The following MRE11 variants were observed in gnomAD, a reference collection of about 807,000 sequenced individuals.
The protein encoded by MRE11 is MRE11 double strand break repair nuclease.
In MRE11, 62 loss-of-function variants were observed where a neutral mutation model predicts 91.7. That is an observed-to-expected ratio of 0.68 (90% CI 0.55 to 0.84). The LOEUF (loss-of-function observed/expected upper bound fraction) is 0.84, where lower values mean the gene tolerates loss of function less well. MRE11 is among the 40% of genes least tolerant of loss of function. The pLI is 0.00. For missense variants in MRE11, 796 were observed against 852.9 expected (o/e 0.93, Z 0.83); for synonymous variants, 273 against 271.4 (o/e 1.01, Z -0.06).
chr11:94,420,447 G>GAAGT (rs1395231078), intron 19 of MRE11, among the ~76,000 whole-genome samples: 1 of 152,082 alleles, frequency 6.6e-6, no homozygotes, highest in Non-Finnish European at 1.5e-5. Flanking sequence ...AAAGATAAAT[G>GAAGT]AAGTATAGGT....
chr11:94,496,919 A>C, upstream of MRE11: 1 of 1,613,832 alleles, frequency 6.2e-7, no homozygotes, highest in Non-Finnish European at 8.5e-7. Context: ...AGACCCAAGC[A>C]GATTGCTTCT....
upstream of MRE11, chr11:94,494,033 C>T: frequency 6.6e-6 from 1 of 152,506 alleles, no homozygotes; most frequent in Non-Finnish European, 1.5e-5. Context: ...TCCCTTCTGT[C>T]AGGTGGGTTG....
chr11:94,479,182 G>A (rs1214300894), intron 5 of MRE11, among the ~76,000 whole-genome samples: 8 of 152,130 alleles, frequency 5.3e-5, no homozygotes, highest in African/African-American at 9.7e-5. Flanking sequence ...TTAAGCAACC[G>A]TCTTAAAGCC....
chr11:94,497,301 C>T, upstream of MRE11: 1 of 430,608 alleles, frequency 2.3e-6, no homozygotes, highest in Non-Finnish European at 4.1e-6. Flanking sequence ...TCATGTATCC[C>T]TATAAGTAAT....
rs768073516 is a variant in MRE11 at position 94,476,307 on chromosome 11, A to C, written c.641T>G (p.Phe214Cys). 6.2e-7 allele frequency: 1 copy of C among 1,612,300 alleles called. No individual in the cohort carries two copies. Among genetic ancestry groups the C allele is most frequent in the Non-Finnish European group, 8.5e-7 (1 of 1,178,504 alleles). Residue 214 changes from phenylalanine (F) to cysteine (C), a missense_variant, in exon 7 of 20, where the codon TTT becomes TGT. Transcript: ENST00000323929. ...KEDENSWFNL[F>C]VIHQNRSKHG... The stretch of plus-strand genomic sequence containing the variant: ...GTTTTACCTGTTCTGATGAATCACA[A>C]ATAAGTTAAACCAAGAGTTCTCATC...
chr11:94,474,262 G>GCCTA (rs1208481866), intron 7 of MRE11, among the ~76,000 whole-genome samples: 1 of 152,084 alleles, frequency 6.6e-6, no homozygotes, highest in African/African-American at 2.4e-5. Context: ...AGAGCCAAGA[G>GCCTA]CCTAGACCAT....
chr11:94,476,521 T>C (rs1946862143), intron 6 of MRE11, 118 bp from the exon 7 acceptor site: 3 of 697,662 alleles, frequency 4.3e-6, no homozygotes, highest in South Asian at 3.4e-5. Flanking sequence ...TTGGGAGATA[T>C]ATTTGAATTC....
At chr11:94,506,102 G>A in the MRE11 span, among the ~76,000 whole-genome samples, 6 of 151,810 alleles carry the variant, frequency 4.0e-5, no homozygotes, top group African/African-American at 7.2e-5. Context: ...ACCATTAAGC[G>A]ACACATGACT....
chr11:94,508,809 T>G, the MRE11 span, among the ~76,000 whole-genome samples: 1 of 151,800 alleles, frequency 6.6e-6, no homozygotes, highest in African/African-American at 2.4e-5. Context: ...TCACCCAGGC[T>G]GGAGTGCAGT....
upstream of MRE11, chr11:94,497,703 A>G: frequency 5.4e-6 from 1 of 186,698 alleles, no homozygotes; most frequent in East Asian, 1.5e-4. Flanking sequence ...AATCCTACAG[A>G]AAAATCAAGC....
At chr11:94,461,633 G>A (rs1591676191) in intron 11 of MRE11, among the ~76,000 whole-genome samples, 1 of 152,142 alleles carries the variant, frequency 6.6e-6, no homozygotes, top group African/African-American at 2.4e-5. Context: ...CAATCAGGCA[G>A]GAGAAATAAA....
chr11:94,430,847 C>T (rs1050178253), intron 18 of MRE11, among the ~76,000 whole-genome samples: 4 of 152,130 alleles, frequency 2.6e-5, no homozygotes, highest in Non-Finnish European at 4.4e-5. Context: ...CACTTTAGAT[C>T]GGGGCCAGTA....
chr11:94,462,252 C>A (rs1432678919), intron 11 of MRE11, among the ~76,000 whole-genome samples: 1 of 152,132 alleles, frequency 6.6e-6, no homozygotes, highest in African/African-American at 2.4e-5. Context: ...AGGAGAACTA[C>A]AAACCACTGC....
intron 14 of MRE11, among the ~76,000 whole-genome samples, chr11:94,447,872 T>C (rs1945982566): frequency 6.6e-6 from 1 of 151,806 alleles, no homozygotes; most frequent in Admixed American, 6.6e-5. Context: ...TTTATATATG[T>C]GTAAAGGAGA....
chr11:94,430,512 C>T (rs753737733), intron 18 of MRE11, among the ~76,000 whole-genome samples: 2 of 148,684 alleles, frequency 1.3e-5, no homozygotes, highest in Non-Finnish European at 3.0e-5. Flanking sequence ...GATGGAGTCT[C>T]GCTCTGTCAC....
At chr11:94,485,251 CAA>C (rs920796994) in intron 4 of MRE11, among the ~76,000 whole-genome samples, 6 of 125,402 alleles carry the variant, frequency 4.8e-5, no homozygotes, top group Admixed American at 2.4e-4. Context: ...AAGACTCCAT[CAA>C]AAAAAAAAAG....
At chr11:94,427,141 T>C (rs1417721779) in intron 19 of MRE11, among the ~76,000 whole-genome samples, 1 of 151,566 alleles carries the variant, frequency 6.6e-6, no homozygotes, top group Non-Finnish European at 1.5e-5. Context: ...GATGTAAAAA[T>C]CCTCAAGAAA....
Position 94,492,870 on chromosome 11 carries a change from TG to T in MRE11, c.-70del. On this transcript the variant is annotated 5_prime_UTR_variant, in exon 2 of 20. Transcript: ENST00000323929. Reference sequence around the variant, plus strand: ...AGAACCCCTGGGTACTGTACTCAAATGTCAGAAAATGCACTCGATTCCAAAT... The same window carrying T: ...AGAACCCCTGGGTACTGTACTCAAATTCAGAAAATGCACTCGATTCCAAAT... 1 of 1,387,894 alleles carries T rather than the reference TG, an allele frequency of 7.2e-7. No homozygotes were observed. The highest frequency in any genetic ancestry group is 1.0e-6 in the Non-Finnish European group (1 of 988,880). The allele number at this position is 1,387,894 out of a possible 1,614,324, so 86.0% of individuals were successfully genotyped here.
At chr11:94,431,402 T>C (rs1288103005) in intron 18 of MRE11, among the ~76,000 whole-genome samples, 1 of 152,180 alleles carries the variant, frequency 6.6e-6, no homozygotes. Flanking sequence ...GCAAAAACAG[T>C]CTAAATTATC....
Sources: gnomAD v4.1 joint callset for allele counts (sites outside exome capture counted in the v4.1 genomes callset) on GRCh38, gnomAD v4.1.1 for gene constraint, MANE v1.5 for transcripts, NCBI Gene and HGNC (gene_info 2026-07-23, HGNC 2026-07-21) for gene names.